The following DCC variants were observed in gnomAD, a reference collection of about 807,000 sequenced individuals.
DCC encodes the protein DCC netrin 1 receptor, also known as netrin receptor DCC.
In DCC, 58 loss-of-function variants were observed where a neutral mutation model predicts 172.5. The ratio of observed to expected loss-of-function variants is 0.34; its 90% confidence interval spans 0.27 to 0.42. DCC has a LOEUF of 0.42. Among genes scored for constraint, DCC ranks in the 10% least tolerant of loss-of-function variants. The pLI is 1.00. For synonymous variants in DCC, 709 were observed against 644.5 expected, an observed-to-expected ratio of 1.10 and a Z score of -1.52; for missense variants, 1,740 against 1,791.0, an observed-to-expected ratio of 0.97 and a Z score of 0.51.
At chr18:53,057,102 A>AT (rs1491105951) in intron 5 of DCC, among the ~76,000 whole-genome samples, 21 of 144,462 alleles carry the variant, frequency 1.5e-4, no homozygotes, top group South Asian at 8.9e-4. Flanking sequence ...AAAAAAAAAA[A>AT]AGCAAGTCTT....
At chr18:52,794,840 A>C (rs1008978732) in intron 2 of DCC, among the ~76,000 whole-genome samples, 1 of 151,986 alleles carries the variant, frequency 6.6e-6, no homozygotes, top group Non-Finnish European at 1.5e-5. Context: ...AGTTTTTGTC[A>C]TGAAGAGGTA....
intron 9 of DCC, among the ~76,000 whole-genome samples, chr18:53,181,564 A>C (rs1031649518): frequency 5.3e-5 from 8 of 152,164 alleles, no homozygotes; most frequent in Admixed American, 3.9e-4. Flanking sequence ...TTTTAATATA[A>C]TTAAGTTAAA....
At chr18:52,619,082 C>A (rs1366002872) in intron 1 of DCC, among the ~76,000 whole-genome samples, 2 of 152,128 alleles carry the variant, frequency 1.3e-5, no homozygotes, top group African/African-American at 2.4e-5. Context: ...GGATTACGGG[C>A]ATGCACCGCT....
At chr18:52,962,003 C>T (rs2040850230) in intron 5 of DCC, among the ~76,000 whole-genome samples, 1 of 152,158 alleles carries the variant, frequency 6.6e-6, no homozygotes, top group South Asian at 2.1e-4. Context: ...ACCATAAAAA[C>T]CCTAGAAGAA....
intron 1 of DCC, among the ~76,000 whole-genome samples, chr18:52,521,419 G>A (rs78357897): frequency 0.058 from 8,858 of 152,122 alleles, 329 homozygotes; most frequent in Middle Eastern, 0.11. Context: ...TCTCAGTTCC[G>A]GAGGCTGGGA....
chr18:53,482,709 A>G (rs914091692), intron 25 of DCC, among the ~76,000 whole-genome samples: 7 of 138,104 alleles, frequency 5.1e-5, no homozygotes, highest in African/African-American at 1.9e-4. Flanking sequence ...GGAGACTAAC[A>G]TTGTCACATT....
chr18:53,305,097 A>G (rs2057184798), intron 12 of DCC, among the ~76,000 whole-genome samples: 1 of 152,194 alleles, frequency 6.6e-6, no homozygotes, highest in African/African-American at 2.4e-5. Flanking sequence ...GCACTCTGCC[A>G]TGATTGTGAG....
intron 1 of DCC, among the ~76,000 whole-genome samples, chr18:52,736,166 A>T (rs1004064296): frequency 3.9e-5 from 6 of 152,030 alleles, no homozygotes; most frequent in Admixed American, 3.9e-4. Flanking sequence ...CTTGGTCAGG[A>T]CAGTTAACCT....
intron 9 of DCC, among the ~76,000 whole-genome samples, chr18:53,196,799 G>C (rs1039318487): frequency 1.3e-5 from 2 of 152,008 alleles, no homozygotes; most frequent in South Asian, 2.1e-4. Flanking sequence ...TAAAACTAAA[G>C]GTAAAATGAG....
At chr18:53,228,839 C>G (rs1322880970) in intron 12 of DCC, among the ~76,000 whole-genome samples, 2 of 152,068 alleles carry the variant, frequency 1.3e-5, no homozygotes, top group Non-Finnish European at 2.9e-5. Flanking sequence ...TTTCCCTATT[C>G]CCCTAACACA....
intron 2 of DCC, among the ~76,000 whole-genome samples, chr18:52,810,804 CTG>C (rs908102811): frequency 2.0e-5 from 3 of 152,160 alleles, no homozygotes; most frequent in Admixed American, 2.0e-4. Flanking sequence ...TCAATCTAGT[CTG>C]AGGATTTAAC....
At chr18:53,106,994 G>T (rs138280138) in intron 7 of DCC, among the ~76,000 whole-genome samples, 31 of 151,962 alleles carry the variant, frequency 2.0e-4, no homozygotes, top group African/African-American at 7.2e-4. Context: ...AAGACATAGG[G>T]ACATCAGGAC....
intron 1 of DCC, among the ~76,000 whole-genome samples, chr18:52,629,609 GT>G (rs1227083797): frequency 6.6e-6 from 1 of 152,152 alleles, no homozygotes; most frequent in Non-Finnish European, 1.5e-5. Flanking sequence ...GAGGTCAGGA[GT>G]TTGAGACCAG....
rs1389917261 is a variant in DCC at position 53,157,282 on chromosome 18, T to G, written c.1262-74T>G. On this transcript the variant is annotated intron_variant, in intron 7 of 28. Coordinates refer to ENST00000442544, the MANE Select transcript of DCC (RefSeq NM_005215.4). The stretch of plus-strand genomic sequence containing the variant: ...TGACATGGAGATGCTTGCTAATAGG[T>G]TGGCTCTGCCTTCCTACCCAATTCT... 4 of 1,583,136 alleles carry G rather than the reference T, an allele frequency of 2.5e-6. No individual in the cohort carries two copies. In the Admixed American group the frequency reaches 6.7e-5, roughly 26 times the overall value.
chr18:52,550,033 T>C (rs776929907), intron 1 of DCC, among the ~76,000 whole-genome samples: 97 of 151,950 alleles, frequency 6.4e-4, no homozygotes, highest in Admixed American at 3.4e-3. Flanking sequence ...CACATCACCT[T>C]AGCCAAGTGT....
In DCC at chr18:52,359,454, T is replaced by C. The variant is rs140456550; in HGVS notation, c.91+18576T>C. On this transcript the variant is annotated intron_variant, in intron 1 of 28. Transcript: ENST00000442544. ...GCTCCCTTGCAGCTAGGGGTAGTTA[T>C]GTGAAAGTTCTGGTGATTGGCATGG... Among the ~76,000 whole-genome samples, 413 of 152,266 alleles carry C rather than the reference T, an allele frequency of 2.7e-3. 2 individuals carry two copies. The highest frequency in any genetic ancestry group is 3.7e-3 in the South Asian group (18 of 4,822).
chr18:52,818,187 G>C (rs1250021624), intron 2 of DCC: 1 of 152,030 alleles, frequency 6.6e-6, no homozygotes, highest in African/African-American at 2.4e-5. Context: ...AGACTCACCT[G>C]GGCAACATAT....
chr18:52,878,770 T>A (rs2039438885), intron 2 of DCC, among the ~76,000 whole-genome samples: 1 of 152,206 alleles, frequency 6.6e-6, no homozygotes, highest in Non-Finnish European at 1.5e-5. Context: ...ACAGAGTAGG[T>A]GTTCAATAAA....
At chr18:52,954,889 A>T (rs1410240622) in intron 5 of DCC, among the ~76,000 whole-genome samples, 1 of 152,162 alleles carries the variant, frequency 6.6e-6, no homozygotes, top group Non-Finnish European at 1.5e-5. Context: ...AATATTTTTT[A>T]AGGTGGTAAA....
Sources: gnomAD v4.1 joint callset for allele counts (sites outside exome capture counted in the v4.1 genomes callset) on GRCh38, gnomAD v4.1.1 for gene constraint, MANE v1.5 for transcripts, NCBI Gene and HGNC (gene_info 2026-07-23, HGNC 2026-07-21) for gene names.